Variants in RIN3 observed in about 807,000 individuals in gnomAD.
The protein encoded by RIN3 is RAB5 interacting protein 3.
A neutral mutation model predicts 76.3 loss-of-function variants in RIN3; 54 were observed. The observed-to-expected ratio is 0.71, with a 90% confidence interval of 0.57 to 0.89. The LOEUF (loss-of-function observed/expected upper bound fraction) is 0.89. RIN3 is among the 40% of genes least tolerant of loss of function. The pLI is 0.00. For missense variants in RIN3, 1,256 were observed against 1,322.1 expected (o/e 0.95, Z 0.78); for synonymous variants, 576 against 564.0 (o/e 1.02, Z -0.30).
chr14:92,653,131 C>T, intron 6 of RIN3, 56 bp downstream of exon 6: 1 of 1,524,028 alleles, frequency 6.6e-7, no homozygotes, highest in Non-Finnish European at 8.8e-7. Context: ...CTCACAGACT[C>T]AGGAACCCCT....
chr14:92,540,241 T>C (rs1897101763), intron 1 of RIN3, among the ~76,000 whole-genome samples: 1 of 152,166 alleles, frequency 6.6e-6, no homozygotes, highest in South Asian at 2.1e-4. Flanking sequence ...CTAAACTGAC[T>C]TCCCCTGCTA....
chr14:92,620,653 A>T (rs1886142787), intron 4 of RIN3, among the ~76,000 whole-genome samples: 1 of 152,224 alleles, frequency 6.6e-6, no homozygotes, highest in Non-Finnish European at 1.5e-5. Context: ...AAGCCAGAGG[A>T]GAATAAACAG....
chr14:92,526,797 C>T lies in RIN3; in HGVS notation c.44+12821C>T, dbSNP rs113767216. On this transcript the variant is annotated intron_variant, in intron 1 of 9. Transcript: ENST00000216487. ...CTGTGTCTCAGTGTCCTGGGACTAC[C>T]ATAACAAAGTGCCACAAACTGGGTG... Among the ~76,000 whole-genome samples, 538 of 152,222 alleles carry T rather than the reference C, an allele frequency of 3.5e-3. 4 individuals carry two copies. The highest frequency in any genetic ancestry group is 0.017 in the Middle Eastern group (5 of 294).
At chr14:92,653,129 C>T (rs1165297244) in intron 6 of RIN3, 54 bp downstream of exon 6, 1 of 1,526,172 alleles carries the variant, frequency 6.6e-7, no homozygotes, top group East Asian at 2.4e-5. Flanking sequence ...GGCTCACAGA[C>T]TCAGGAACCC....
chr14:92,624,251 G>A (rs1886277077), intron 4 of RIN3, among the ~76,000 whole-genome samples: 1 of 152,204 alleles, frequency 6.6e-6, no homozygotes, highest in Non-Finnish European at 1.5e-5. Context: ...AGCAGGTGTA[G>A]AAGAGGATAG....
intron 1 of RIN3, among the ~76,000 whole-genome samples, chr14:92,526,849 T>C (rs1280958714): frequency 6.6e-6 from 1 of 152,040 alleles, no homozygotes; most frequent in African/African-American, 2.4e-5. Flanking sequence ...ATGTATTCTC[T>C]CAAAGCCTTG....
chr14:92,634,130 A>G (rs1291189065), intron 4 of RIN3, among the ~76,000 whole-genome samples: 3 of 142,748 alleles, frequency 2.1e-5, no homozygotes, highest in African/African-American at 7.9e-5. Flanking sequence ...GCTGGAGTGC[A>G]ATGGTATGAT....
At chr14:92,522,475 T>G (rs1896627248) in intron 1 of RIN3, among the ~76,000 whole-genome samples, 1 of 152,242 alleles carries the variant, frequency 6.6e-6, no homozygotes, top group African/African-American at 2.4e-5. Flanking sequence ...TATTCTTTTT[T>G]CACTGAGTGT....
chr14:92,565,567 G>A (rs920208819), intron 2 of RIN3, among the ~76,000 whole-genome samples: 1 of 152,196 alleles, frequency 6.6e-6, no homozygotes, highest in Admixed American at 6.5e-5. Flanking sequence ...CTGGGAAAGG[G>A]GTAGGCATTT....
intron 3 of RIN3, among the ~76,000 whole-genome samples, chr14:92,611,171 G>A (rs575138124): frequency 2.6e-5 from 4 of 152,254 alleles, no homozygotes; most frequent in East Asian, 1.9e-4. Context: ...CCTGTATTCC[G>A]GTGGTTGCTG....
Position 92,681,339 on chromosome 14 carries a change from A to T in RIN3, c.2468-3648A>T, listed in dbSNP as rs1181046806. On this transcript the variant is annotated intron_variant, in intron 8 of 9. Transcript: ENST00000216487. The surrounding 1 kb of genome is among the most constrained non-coding windows in gnomAD (Gnocchi z 4.7). ...CACGAAGAAGTCAGACTCCAGCACCAAGAGTGCAGCAGTAGGGCGTGGCTG... is the reference window on the plus strand; with the variant it reads ...CACGAAGAAGTCAGACTCCAGCACCTAGAGTGCAGCAGTAGGGCGTGGCTG... 6.7e-6 allele frequency among the ~76,000 whole-genome samples: 1 copy of T among 150,048 alleles called. No homozygotes were observed. The highest frequency in any genetic ancestry group is 1.5e-5 in the Non-Finnish European group (1 of 67,452).
intron 1 of RIN3, among the ~76,000 whole-genome samples, chr14:92,521,328 A>G (rs1275595941): frequency 1.3e-5 from 2 of 152,090 alleles, no homozygotes; most frequent in African/African-American, 2.4e-5. Flanking sequence ...GAGCACCTGA[A>G]CACCTAGGAG....
At chr14:92,680,687 G>T (rs1056634905) in intron 8 of RIN3, among the ~76,000 whole-genome samples, 2 of 152,180 alleles carry the variant, frequency 1.3e-5, no homozygotes, top group Non-Finnish European at 2.9e-5. Flanking sequence ...GATGGAGCTG[G>T]GCCCTGCCTT....
chr14:92,585,953 T>A (rs1884758076), intron 3 of RIN3, among the ~76,000 whole-genome samples: 1 of 152,226 alleles, frequency 6.6e-6, no homozygotes, highest in Admixed American at 6.5e-5. Flanking sequence ...TGCACTCTTG[T>A]TAATGCAAAC....
intron 1 of RIN3, among the ~76,000 whole-genome samples, chr14:92,523,365 G>A (rs965170408): frequency 2.0e-5 from 3 of 152,188 alleles, no homozygotes; most frequent in Admixed American, 6.5e-5. Flanking sequence ...ACCCATCCTG[G>A]CCTCCCAAAG....
chr14:92,677,909 C>T (rs1888525162), intron 8 of RIN3, among the ~76,000 whole-genome samples: 1 of 151,108 alleles, frequency 6.6e-6, no homozygotes, highest in African/African-American at 2.4e-5. Flanking sequence ...TCCACCCACC[C>T]ATCCGTCATC....
chr14:92,634,539 A>G (rs1026415640), intron 4 of RIN3, among the ~76,000 whole-genome samples: 1 of 152,166 alleles, frequency 6.6e-6, no homozygotes, highest in Non-Finnish European at 1.5e-5. Context: ...CGAAGGCTGC[A>G]TGCACCAGGA....
intron 3 of RIN3, among the ~76,000 whole-genome samples, chr14:92,593,009 C>A (rs1192248846): frequency 6.6e-6 from 1 of 151,876 alleles, no homozygotes; most frequent in Non-Finnish European, 1.5e-5. Context: ...ATTTTCAATC[C>A]ATGGTTGGTT....
rs763895444 is a variant in RIN3 at position 92,688,303 on chromosome 14, C to T, written c.*51C>T. 404 of 1,461,670 alleles carry T rather than the reference C, an allele frequency of 2.8e-4. No individual in the cohort carries two copies. Among genetic ancestry groups the T allele is most frequent in the Non-Finnish European group, 3.4e-4 (379 of 1,103,224 alleles). 90.5% of individuals were successfully genotyped at this position (1,461,670 alleles called of 1,614,324 possible). On this transcript the variant is annotated 3_prime_UTR_variant, in exon 10 of 10. Transcript: ENST00000216487. ...CCCCCAGGCGCACGTCTGGCCCCGC[C>T]TCTGGCTGCGCACTCCCGACCGCGA...
Sources: allele counts gnomAD v4.1 joint callset (sites outside exome capture counted in the v4.1 genomes callset), GRCh38; gene constraint gnomAD v4.1.1; non-coding constraint Gnocchi (gnomAD v3.1); transcripts MANE v1.5; gene names NCBI Gene and HGNC (gene_info 2026-07-23, HGNC 2026-07-21).